Variants in MANEAL observed in about 807,000 individuals in gnomAD.
MANEAL encodes glycoprotein endo-alpha-1,2-mannosidase-like protein.
A neutral mutation model predicts 35.9 loss-of-function variants in MANEAL; 28 were observed. The ratio of observed to expected loss-of-function variants is 0.78; its 90% CI spans 0.58 to 1.07. MANEAL has a LOEUF of 1.07. Among genes scored for constraint, MANEAL ranks in the 50% least tolerant of loss-of-function variants. The pLI is 0.00. For missense variants in MANEAL, 576 were observed against 629.6 expected (o/e 0.91, Z 0.91); for synonymous variants, 286 against 272.2 (o/e 1.05, Z -0.50).
intron 3 of MANEAL, among the ~76,000 whole-genome samples, chr1:37,797,853 A>G (rs899577605): frequency 6.6e-6 from 1 of 151,940 alleles, no homozygotes; most frequent in African/African-American, 2.4e-5. Context: ...CGACCTCCCA[A>G]AGTGTTGGGA....
chr1:37,797,207 CCTGA>C (rs1352985941), intron 3 of MANEAL, among the ~76,000 whole-genome samples: 1 of 151,994 alleles, frequency 6.6e-6, no homozygotes, highest in Non-Finnish European at 1.5e-5. Context: ...TCGAGACCAG[CCTGA>C]CTAACGTGGT....
rs1646673456 is a variant in MANEAL, at chr1:37,799,300, G to T, written c.738-267G>T. ...TGGATTATATGGAGGCAGGATGGGAGCCTGGAGACCAGTTAGCTGGCTGTT... is the reference window on the plus strand; with the variant it reads ...TGGATTATATGGAGGCAGGATGGGATCCTGGAGACCAGTTAGCTGGCTGTT... On this transcript the variant is annotated intron_variant, in intron 3 of 3. Coordinates refer to ENST00000373045, the MANE Select transcript of MANEAL (RefSeq NM_001113482.2). The surrounding 1 kb of genome is among the most constrained non-coding windows in gnomAD (Gnocchi z 4.1). Among the ~76,000 whole-genome samples, 1 of 152,206 alleles carries T rather than the reference G, an allele frequency of 6.6e-6. No individual in the cohort carries two copies. The highest frequency in any genetic ancestry group is 2.4e-5 in the African/African-American group (1 of 41,446).
Position 37,800,339 on chromosome 1 carries a change from C to A in MANEAL, c.*136C>A. On this transcript the variant is annotated 3_prime_UTR_variant, in exon 4 of 4. Transcript: ENST00000373045. Reference sequence around the variant, plus strand: ...AGCAGATGGGTGTTTCTGGGTGGGCCGTCAGGCATGGGCCTGTGCAACACA... The same window carrying A: ...AGCAGATGGGTGTTTCTGGGTGGGCAGTCAGGCATGGGCCTGTGCAACACA... 9.3e-7 allele frequency: 1 copy of A among 1,073,884 alleles called. No individual in the cohort carries two copies. The highest frequency in any genetic ancestry group is 1.3e-6 in the Non-Finnish European group (1 of 753,778). 66.5% of individuals were successfully genotyped at this position (1,073,884 alleles called of 1,614,324 possible).
intron 1 of MANEAL, chr1:37,795,525 C>A: frequency 7.2e-7 from 1 of 1,386,528 alleles, no homozygotes; most frequent in Non-Finnish European, 9.4e-7. Context: ...TGGCGCGCTA[C>A]GGTTCCCGCA....
In MANEAL at chr1:37,800,339, C is replaced by T. The variant is rs147877661; in HGVS notation, c.*136C>T. On this transcript the variant is annotated 3_prime_UTR_variant, in exon 4 of 4. Coordinates refer to ENST00000373045, the MANE Select transcript of MANEAL (RefSeq NM_001113482.2). ...AGCAGATGGGTGTTTCTGGGTGGGC[C>T]GTCAGGCATGGGCCTGTGCAACACA... is the stretch of plus-strand genomic sequence containing the variant. 95 of 1,073,886 alleles carry T rather than the reference C, an allele frequency of 8.8e-5. No individual in the cohort carries two copies. In the African/African-American group the frequency reaches 1.0e-3, roughly 11 times the overall value. 66.5% of individuals were successfully genotyped at this position (1,073,886 alleles called of 1,614,324 possible). A position where few individuals can be genotyped will look rare whatever the true frequency, so the allele number is the denominator to read the frequency against.
rs143262127 is a variant in MANEAL at position 37,799,789 on chromosome 1, C to T, written c.960C>T (p.Asp320=). The change falls in exon 4 of 4, where the codon GAC becomes GAT. Residue 320 remains aspartate, a synonymous_variant. Transcript: ENST00000373045. The surrounding 1 kb of genome is among the most constrained non-coding windows in gnomAD (Gnocchi z 4.1). ...ACGATATCCTGGCCGCCGGATTTGA[C>T]GGCATGTACACCTACTTTGCCTCCA... ...HTHDILAAGF[D]GMYTYFASNG... The T allele has an allele frequency of 8.2e-5, 132 of 1,614,240 alleles. No individual in the cohort carries two copies. In the South Asian group the frequency reaches 1.3e-3, roughly 16 times the overall value.
rs1234496119 is a variant in MANEAL, at chr1:37,800,771, C to T, written c.*568C>T. The T allele has an allele frequency of 6.4e-6, 1 of 156,568 alleles. No individual in the cohort carries two copies. The highest frequency in any genetic ancestry group is 2.4e-5 in the African/African-American group (1 of 41,484). The allele number at this position is 156,568 out of a possible 1,614,324, so 9.7% of individuals were successfully genotyped here. On this transcript the variant is annotated 3_prime_UTR_variant, in exon 4 of 4. Coordinates refer to ENST00000373045, the MANE Select transcript of MANEAL (RefSeq NM_001113482.2). ...CACTCACAGGTTCATTTAACACTCA[C>T]TCATCAAGCACCTTCCTATGTGCTA...
intron 3 of MANEAL, among the ~76,000 whole-genome samples, chr1:37,798,050 C>T (rs1483008858): frequency 6.6e-6 from 1 of 151,942 alleles, no homozygotes; most frequent in African/African-American, 2.4e-5. Flanking sequence ...ACTTGGAAGG[C>T]AGAGGTGGGA....
chr1:37,799,702 G>A lies in MANEAL; in HGVS notation c.873G>A (p.Ser291=), dbSNP rs369490753. The part of the protein sequence containing the change: ...AHLLTPNGPH[S]IRNTPYDGVF... ...TCCTGACACCAAACGGGCCCCATTC[G>A]ATCCGCAACACGCCCTACGATGGGG... The change falls in exon 4 of 4, where the codon TCG becomes TCA. Residue 291 remains serine (S), a synonymous_variant. Coordinates refer to ENST00000373045, the MANE Select transcript of MANEAL (RefSeq NM_001113482.2). This position sits in a 1 kb window ranked among gnomAD's most constrained non-coding sequence, Gnocchi z 4.1. 5.6e-6 allele frequency: 9 copies of A among 1,614,050 alleles called. No homozygotes were observed. Among genetic ancestry groups the A allele is most frequent in the East Asian group, 4.5e-5 (2 of 44,894 alleles).
chr1:37,794,356 T>G lies in MANEAL; in HGVS notation c.174T>G (p.Ala58=). 2.2e-5 allele frequency: 23 copies of G among 1,067,354 alleles called. No individual in the cohort carries two copies. The highest frequency in any genetic ancestry group is 2.6e-5 in the Non-Finnish European group (23 of 883,210). The allele number at this position is 1,067,354 out of a possible 1,614,324, so 66.1% of individuals were successfully genotyped here. ...GCCCAGAGGGGGCCCCCGCGCCCGC[T>G]GCCAGGGCCCCGGCAGCCCCTGCCG... ...ERRPEGAPAP[A]ARAPAAPAAP... is the part of the protein sequence containing the mutation. Residue 58 remains alanine, a synonymous_variant, in exon 1 of 4, where the codon GCT becomes GCG. Coordinates refer to ENST00000373045, the MANE Select transcript of MANEAL (RefSeq NM_001113482.2). This position sits in a 1 kb window ranked among gnomAD's most constrained non-coding sequence, Gnocchi z 5.7.
At position 37,800,267 on chromosome 1, in the gene MANEAL, G is replaced by A. The variant is rs1223793353; in HGVS notation, c.*64G>A. On this transcript the variant is annotated 3_prime_UTR_variant, in exon 4 of 4. Transcript: ENST00000373045. ...CTTGCTGGAAGATGTCACCATGTGGGGTTCAGCTGAGGTTGTAGCCACTCA... is the reference window on the plus strand; with the variant it reads ...CTTGCTGGAAGATGTCACCATGTGGAGTTCAGCTGAGGTTGTAGCCACTCA... The A allele has an allele frequency of 1.3e-6, 2 of 1,570,206 alleles. No homozygotes were observed. Among genetic ancestry groups the A allele is most frequent in the Admixed American group, 1.7e-5 (1 of 58,446 alleles).
chr1:37,799,949 A>G lies in MANEAL; in HGVS notation c.1120A>G (p.Asn374Asp). ...DTSIRPWNNH[N>D]TRNRVNGKYY... Reference sequence around the variant, plus strand: ...CAGCATTCGGCCCTGGAACAACCACAATACGCGCAACAGGGTCAATGGCAA... The same window carrying G: ...CAGCATTCGGCCCTGGAACAACCACGATACGCGCAACAGGGTCAATGGCAA... The change falls in exon 4 of 4, where the codon AAT (asparagine) becomes GAT (aspartate). Residue 374 changes from asparagine (N) to aspartate (D), a missense_variant. Asn to Asp is a conservative substitution (Grantham distance 23). Around this residue, in one of 3 missense-constraint regions of MANEAL, gnomAD observed 449 missense variants for 516.1 expected, o/e 0.87. Transcript: ENST00000373045. The surrounding 1 kb of genome is among the most constrained non-coding windows in gnomAD (Gnocchi z 4.1). The G allele has an allele frequency of 6.2e-7, 1 of 1,614,224 alleles. No homozygotes were observed. Among genetic ancestry groups the G allele is most frequent in the Non-Finnish European group, 8.5e-7 (1 of 1,180,040 alleles).
At position 37,799,650 on chromosome 1, in the gene MANEAL, T is replaced by C. The variant is rs1452158406; in HGVS notation, c.821T>C (p.Leu274Pro). Residue 274 changes from leucine (L) to proline (P), a missense_variant, in exon 4 of 4, where the codon CTG becomes CCG. Leu to Pro is a moderately conservative substitution (Grantham distance 98, BLOSUM62 -3). Coordinates refer to ENST00000373045, the MANE Select transcript of MANEAL (RefSeq NM_001113482.2). The surrounding 1 kb of genome is among the most constrained non-coding windows in gnomAD (Gnocchi z 4.1). ...CTCTTTTATATCTACGACTCATACC[T>C]GACGTCCCCTGAGGCCTGGGCCCAC... ...LPLFYIYDSY[L>P]TSPEAWAHLL... 1.2e-6 allele frequency: 2 copies of C among 1,614,080 alleles called. No homozygotes were observed. The highest frequency in any genetic ancestry group is 1.7e-6 in the Non-Finnish European group (2 of 1,180,040).
intron 1 of MANEAL, chr1:37,795,308 A>T: frequency 5.1e-6 from 1 of 196,300 alleles, no homozygotes; most frequent in Non-Finnish European, 9.9e-6. Flanking sequence ...GGGGAGGCTC[A>T]CTTATTTCGG....
At position 37,794,450 on chromosome 1, in the gene MANEAL, G is replaced by A. The variant is rs1348757036; in HGVS notation, c.268G>A (p.Glu90Lys). 6.5e-7 allele frequency: 1 copy of A among 1,534,298 alleles called. No individual in the cohort carries two copies. Among genetic ancestry groups the A allele is most frequent in the East Asian group, 2.5e-5 (1 of 40,104 alleles). Residue 90 changes from glutamate to lysine, a missense_variant, in exon 1 of 4, where the codon GAG becomes AAG. Physicochemically the swap from Glu to Lys is moderately conservative, Grantham distance 56 (BLOSUM62 1). Around this residue, in one of 3 missense-constraint regions of MANEAL, gnomAD observed 449 missense variants for 516.1 expected, o/e 0.87. Transcript: ENST00000373045. This position sits in a 1 kb window ranked among gnomAD's most constrained non-coding sequence, Gnocchi z 5.7. ...PGGSPGPAPA[E>K]AEPAPVQSLR... is the part of the protein sequence containing the mutation. ...CGGCTCCCCTGGGCCGGCACCCGCG[G>A]AGGCCGAGCCCGCCCCCGTGCAGAG...
intron 3 of MANEAL, among the ~76,000 whole-genome samples, chr1:37,797,342 A>G (rs1417878086): frequency 2.0e-5 from 3 of 151,388 alleles, no homozygotes; most frequent in Admixed American, 6.6e-5. Flanking sequence ...CGGAGGTTGC[A>G]GTGAGCCGAG....
Position 37,794,117 on chromosome 1 carries a change from G to A in MANEAL, c.-66G>A, listed in dbSNP as rs1341424559. ...CAGTCTGCCTGGGAAGCGCGCGGCCGGGCGGGCGGCCATGGCGCGGCACGC... is the reference window on the plus strand; with the variant it reads ...CAGTCTGCCTGGGAAGCGCGCGGCCAGGCGGGCGGCCATGGCGCGGCACGC... On this transcript the variant is annotated 5_prime_UTR_variant, in exon 1 of 4. Coordinates refer to ENST00000373045, the MANE Select transcript of MANEAL (RefSeq NM_001113482.2). The surrounding 1 kb of genome is among the most constrained non-coding windows in gnomAD (Gnocchi z 5.7). The A allele has an allele frequency of 8.5e-6, 9 of 1,055,424 alleles. No individual in the cohort carries two copies. Among genetic ancestry groups the A allele is most frequent in the Non-Finnish European group, 1.0e-5 (9 of 869,908 alleles). The allele number at this position is 1,055,424 out of a possible 1,614,324, so 65.4% of individuals were successfully genotyped here.
In MANEAL at chr1:37,799,966, C is replaced by G; in HGVS notation, c.1137C>G (p.Val379=). Reference sequence around the variant, plus strand: ...ACAACCACAATACGCGCAACAGGGTCAATGGCAAGTACTATGAGACGGCCC... The same window carrying G: ...ACAACCACAATACGCGCAACAGGGTGAATGGCAAGTACTATGAGACGGCCC... ...PWNNHNTRNR[V]NGKYYETALQ... The change falls in exon 4 of 4, where the codon GTC becomes GTG. Residue 379 remains valine, a synonymous_variant. Transcript: ENST00000373045. This position sits in a 1 kb window ranked among gnomAD's most constrained non-coding sequence, Gnocchi z 4.1. 1.2e-6 allele frequency: 2 copies of G among 1,614,230 alleles called. No individual in the cohort carries two copies. Among genetic ancestry groups the G allele is most frequent in the South Asian group, 2.2e-5 (2 of 91,082 alleles).
Position 37,800,266 on chromosome 1 carries a change from G to A in MANEAL, c.*63G>A. ...CCTTGCTGGAAGATGTCACCATGTG[G>A]GGTTCAGCTGAGGTTGTAGCCACTC... On this transcript the variant is annotated 3_prime_UTR_variant, in exon 4 of 4. Coordinates refer to ENST00000373045, the MANE Select transcript of MANEAL (RefSeq NM_001113482.2). 6.4e-7 allele frequency: 1 copy of A among 1,571,250 alleles called. No homozygotes were observed.
Sources: allele counts gnomAD v4.1 joint callset (sites outside exome capture counted in the v4.1 genomes callset), GRCh38; gene constraint gnomAD v4.1.1; regional missense constraint gnomAD v4.1.1; non-coding constraint Gnocchi (gnomAD v3.1); transcripts MANE v1.5; gene names NCBI Gene and HGNC (gene_info 2026-07-23, HGNC 2026-07-21).